Variants in TMC1 observed in about 807,000 individuals in gnomAD.
TMC1 encodes the protein transmembrane channel like 1, also known as transmembrane channel-like protein 1.
In TMC1, 84 loss-of-function variants were observed where a neutral mutation model predicts 105.8. That is an observed-to-expected ratio of 0.79 (90% confidence interval 0.67 to 0.95). The LOEUF (loss-of-function observed/expected upper bound fraction) is 0.95, where lower values mean the gene tolerates loss of function less well. Ranked by LOEUF, TMC1 falls within the 40% of genes least tolerant of loss-of-function variation. TMC1 has a pLI of 0.00. For missense variants in TMC1, 817 were observed against 914.1 expected, an observed-to-expected ratio of 0.89 and a Z score of 1.37; for synonymous variants, 315 against 311.5, an observed-to-expected ratio of 1.01 and a Z score of -0.12.
chr9:72,555,463 A>G (rs1021168844), intron 1 of TMC1, among the ~76,000 whole-genome samples: 1 of 152,120 alleles, frequency 6.6e-6, no homozygotes, highest in Non-Finnish European at 1.5e-5. Context: ...CTGGGATTAC[A>G]GGCGTGAGAT....
chr9:72,576,841 G>A (rs571531189), intron 1 of TMC1, among the ~76,000 whole-genome samples: 1 of 151,970 alleles, frequency 6.6e-6, no homozygotes, highest in Admixed American at 6.6e-5. Context: ...ATGTTGGCCA[G>A]GGTGGTCTGG....
intron 5 of TMC1, among the ~76,000 whole-genome samples, chr9:72,675,443 T>C (rs1054440571): frequency 4.6e-5 from 7 of 152,094 alleles, no homozygotes; most frequent in African/African-American, 1.7e-4. Context: ...CCATCCCATG[T>C]GAGGGAAAAA....
At chr9:72,611,227 A>G (rs1825018860) in intron 2 of TMC1, among the ~76,000 whole-genome samples, 1 of 152,184 alleles carries the variant, frequency 6.6e-6, no homozygotes, top group Non-Finnish European at 1.5e-5. Context: ...CTTTGGAGAA[A>G]TTTCTTTCCT....
At position 72,653,022 on chromosome 9, in the gene TMC1, A is replaced by G. The variant is rs183191561; in HGVS notation, c.16+4358A>G. ...AATGTTTTACTATATATAAAGATGAATAGATAGCATTTCCTACAATAAATA... is the reference window on the plus strand; with the variant it reads ...AATGTTTTACTATATATAAAGATGAGTAGATAGCATTTCCTACAATAAATA... On this transcript the variant is annotated intron_variant, in intron 5 of 23. Coordinates refer to ENST00000297784, the MANE Select transcript of TMC1 (RefSeq NM_138691.3). Among the ~76,000 whole-genome samples the G allele has an allele frequency of 1.4e-4, 21 of 152,342 alleles. No homozygotes were observed. The East Asian group carries it at 3.9e-3, about 28-fold the overall frequency.
At chr9:72,791,802 C>G (rs1374151296) in intron 15 of TMC1, 84 bp from the exon 16 acceptor site, 1 of 1,163,598 alleles carries the variant, frequency 8.6e-7, no homozygotes, top group African/African-American at 1.5e-5. Flanking sequence ...AGAAGCCTAG[C>G]TCAGAATCTT....
chr9:72,801,982 A>G (rs1245641075), intron 17 of TMC1, among the ~76,000 whole-genome samples: 4 of 152,130 alleles, frequency 2.6e-5, no homozygotes, highest in African/African-American at 4.8e-5. Context: ...GGACTTCCAA[A>G]CCACTCTGAA....
chr9:72,836,062 G>A lies in TMC1; in HGVS notation c.*89G>A. The A allele has an allele frequency of 2.1e-6, 3 of 1,445,646 alleles. No homozygotes were observed. Among genetic ancestry groups the A allele is most frequent in the Non-Finnish European group, 2.9e-6 (3 of 1,034,508 alleles). 89.6% of individuals were successfully genotyped at this position (1,445,646 alleles called of 1,614,324 possible). On this transcript the variant is annotated 3_prime_UTR_variant, in exon 24 of 24. Coordinates refer to ENST00000297784, the MANE Select transcript of TMC1 (RefSeq NM_138691.3). ...TGAACGCCCAGAGAACAAGCACTGT[G>A]GAACTGCTATTTTCCTGTTCTACCC...
chr9:72,805,280 C>T, intron 17 of TMC1, 102 bp from the exon 18 acceptor site: 1 of 1,341,210 alleles, frequency 7.5e-7, no homozygotes, highest in South Asian at 1.3e-5. Flanking sequence ...TAATTGCAGT[C>T]TTCAAGCCAA....
intron 4 of TMC1, among the ~76,000 whole-genome samples, chr9:72,628,513 A>G (rs914900840): frequency 4.6e-5 from 7 of 152,214 alleles, no homozygotes; most frequent in African/African-American, 1.7e-4. Flanking sequence ...GTGTGTGGGC[A>G]CACCCTTGTG....
At chr9:72,700,447 C>A (rs1270487661) in intron 7 of TMC1, 71 bp from the exon 8 acceptor site, 2 of 1,317,738 alleles carry the variant, frequency 1.5e-6, no homozygotes, top group Non-Finnish European at 2.1e-6. Flanking sequence ...ATATCTGATA[C>A]CTGCCTTCCT....
intron 10 of TMC1, among the ~76,000 whole-genome samples, chr9:72,750,544 T>A (rs1229290409): frequency 1.2e-5 from 1 of 84,498 alleles, no homozygotes; most frequent in Non-Finnish European, 2.2e-5. Context: ...AAGAGGGTGC[T>A]TTTTTTTTCT....
chr9:72,677,775 T>A lies in TMC1; in HGVS notation c.17-10934T>A, dbSNP rs552642183. Among the ~76,000 whole-genome samples the A allele has an allele frequency of 3.3e-4, 48 of 147,422 alleles. No individual in the cohort carries two copies. In the East Asian group the frequency reaches 6.8e-3, roughly 21 times the overall value. On this transcript the variant is annotated intron_variant, in intron 5 of 23. Transcript: ENST00000297784. ...TGCAGACTCATGTTTTGACCTTCCC[T>A]GTCTGTTCCTGTTTAGTATTCATGC...
intron 1 of TMC1, among the ~76,000 whole-genome samples, chr9:72,532,867 CA>C (rs1314283271): frequency 6.6e-6 from 1 of 152,160 alleles, no homozygotes; most frequent in African/African-American, 2.4e-5. Context: ...GAATGCCTAA[CA>C]GGGGAAAGGC....
At chr9:72,656,166 T>A in intron 5 of TMC1, 1 of 595,860 alleles carries the variant, frequency 1.7e-6, no homozygotes, top group Non-Finnish European at 3.2e-6. Flanking sequence ...GCTCCGTGGG[T>A]GTTTTTCCGG....
At chr9:72,678,671 A>G (rs999389727) in intron 5 of TMC1, among the ~76,000 whole-genome samples, 3 of 151,992 alleles carry the variant, frequency 2.0e-5, no homozygotes, top group African/African-American at 7.2e-5. Context: ...TCTCAATTCT[A>G]TTATTATAGA....
chr9:72,549,740 A>G (rs11143323), intron 1 of TMC1, among the ~76,000 whole-genome samples: 42,863 of 151,314 alleles, frequency 0.28, 6,631 homozygotes, highest in African/African-American at 0.38. Flanking sequence ...CCTCCTGAGT[A>G]GCTGGGACTA....
chr9:72,674,862 G>A (rs1008971541), intron 5 of TMC1, among the ~76,000 whole-genome samples: 3 of 152,140 alleles, frequency 2.0e-5, no homozygotes, highest in African/African-American at 4.8e-5. Flanking sequence ...TTGCTGCCAG[G>A]CTGAGCTGAT....
chr9:72,720,662 T>C (rs547284018), intron 8 of TMC1, among the ~76,000 whole-genome samples: 83 of 152,312 alleles, frequency 5.4e-4, no homozygotes, highest in Non-Finnish European at 1.0e-3. Context: ...AGGAGTTGTG[T>C]CTGCATTTCT....
Position 72,836,100 on chromosome 9 carries a change from C to A in TMC1, c.*127C>A. 1.8e-6 allele frequency: 2 copies of A among 1,115,440 alleles called. No homozygotes were observed. Among genetic ancestry groups the A allele is most frequent in the Non-Finnish European group, 2.7e-6 (2 of 737,896 alleles). 69.1% of individuals were successfully genotyped at this position (1,115,440 alleles called of 1,614,324 possible). A position where few individuals can be genotyped will look rare whatever the true frequency, so the allele number is the denominator to read the frequency against. On this transcript the variant is annotated 3_prime_UTR_variant, in exon 24 of 24. Transcript: ENST00000297784. The stretch of plus-strand genomic sequence containing the variant: ...TCCTGTTCTACCCTTGATGGATTTT[C>A]AAGGTCATGCTGGCCAATTAAGGCA...
Sources: gnomAD v4.1 joint callset for allele counts (sites outside exome capture counted in the v4.1 genomes callset) on GRCh38, gnomAD v4.1.1 for gene constraint, MANE v1.5 for transcripts, NCBI Gene and HGNC (gene_info 2026-07-23, HGNC 2026-07-21) for gene names.